COL6A2: variants seen among roughly 807,000 people sequenced by gnomAD.
The protein encoded by COL6A2 is collagen type VI alpha 2 chain, also known as collagen alpha-2(VI) chain.
COL6A2 carries 90 observed loss-of-function variants against 124.9 expected under a neutral mutation model. That is an observed-to-expected ratio of 0.72 (90% CI 0.61 to 0.86). The LOEUF is 0.86. Among genes scored for constraint, COL6A2 ranks in the 40% least tolerant of loss-of-function variants. The probability of loss-of-function intolerance (pLI) is 0.00; values close to 1 mark genes in which losing one functional copy is unlikely to be tolerated. For synonymous variants in COL6A2, 793 were observed against 618.2 expected (o/e 1.28, Z -4.19); for missense variants, 1,607 against 1,502.5 (o/e 1.07, Z -1.15).
intron 1 of COL6A2, chr21:46,098,729 A>G (rs1482134324): frequency 6.6e-6 from 1 of 151,770 alleles, no homozygotes; most frequent in African/African-American, 2.4e-5. Context: ...CCGACGCCCC[A>G]TCGCTGCGCC....
intron 1 of COL6A2, among the ~76,000 whole-genome samples, chr21:46,111,152 A>C (rs2078392893): frequency 1.3e-5 from 2 of 151,922 alleles, no homozygotes; most frequent in Admixed American, 1.3e-4. Context: ...GCGCCCAGCT[A>C]CCCACTCCAC....
chr21:46,107,654 C>T lies in COL6A2; in HGVS notation c.-27-3796C>T, dbSNP rs188500474. Among the ~76,000 whole-genome samples the T allele has an allele frequency of 2.5e-4, 38 of 152,286 alleles. No individual in the cohort carries two copies. The East Asian group carries it at 6.0e-3, about 24-fold the overall frequency. On this transcript the variant is annotated intron_variant, in intron 1 of 27. Transcript: ENST00000300527. Reference sequence around the variant, plus strand: ...AGCCACTATGAGACTTCAGAAGAACCTTGGTCTCCACAGTCTTTTATCTTA... The same window carrying T: ...AGCCACTATGAGACTTCAGAAGAACTTTGGTCTCCACAGTCTTTTATCTTA...
rs375884809 is a variant in COL6A2 at position 46,126,066 on chromosome 21, G to C, written c.2251G>C (p.Asp751His). The change falls in exon 26 of 28, where the codon GAC becomes CAC. Residue 751 changes from aspartate (D) to histidine (H), a missense_variant. Transcript: ENST00000300527. ...CAACTTGCGGGCGCTGTGCGACCGC[G>C]ACGTCACAGTGACGGCCATCGGCAT... ...DLNLRALCDRDVTVTAIGIGD... is the reference protein window; with the variant it reads ...DLNLRALCDRHVTVTAIGIGD... 1.2e-6 allele frequency: 2 copies of C among 1,612,870 alleles called. No homozygotes were observed. Among genetic ancestry groups the C allele is most frequent in the Non-Finnish European group, 1.7e-6 (2 of 1,180,024 alleles).
intron 23 of COL6A2, 50 bp downstream of exon 23, chr21:46,124,970 A>G (rs774312852): frequency 1.2e-6 from 2 of 1,606,306 alleles, no homozygotes; most frequent in African/African-American, 2.7e-5. Context: ...CCAAAACTAG[A>G]CACCAAGAGC....
At chr21:46,121,211 G>C (rs1345421203) in intron 17 of COL6A2, 88 bp downstream of exon 17, 2 of 1,327,994 alleles carry the variant, frequency 1.5e-6, no homozygotes, top group Admixed American at 3.5e-5. Context: ...GCTAGCCACT[G>C]TCCCCATAGC....
At chr21:46,109,426 C>T (rs114770692) in intron 1 of COL6A2, among the ~76,000 whole-genome samples, 156 of 152,310 alleles carry the variant, frequency 1.0e-3, no homozygotes, top group African/African-American at 3.6e-3. Flanking sequence ...CCCTCTGGTC[C>T]GTAGGACGGG....
chr21:46,124,197 G>A (rs546469873), intron 21 of COL6A2, among the ~76,000 whole-genome samples: 57 of 150,672 alleles, frequency 3.8e-4, no homozygotes, highest in African/African-American at 1.3e-3. Context: ...TGAATGGATG[G>A]GTTAGTGGGT....
At chr21:46,118,817 G>A in intron 13 of COL6A2, 141 bp downstream of exon 13, 1 of 1,143,442 alleles carries the variant, frequency 8.7e-7, no homozygotes, top group African/African-American at 1.5e-5. Context: ...GGGACAGGAA[G>A]AACAGGCCAT....
At chr21:46,115,674 TG>T (rs2078459586) in intron 5 of COL6A2, among the ~76,000 whole-genome samples, 197 bp from the exon 6 acceptor site, 3 of 152,260 alleles carry the variant, frequency 2.0e-5, no homozygotes, top group African/African-American at 7.2e-5. Context: ...CCCTCAGAGC[TG>T]GGAGAAATGG....
chr21:46,105,884 T>C (rs2078330857), intron 1 of COL6A2, among the ~76,000 whole-genome samples: 1 of 152,234 alleles, frequency 6.6e-6, no homozygotes, highest in East Asian at 1.9e-4. Flanking sequence ...GTAATTACTT[T>C]AGATGTAAAT....
chr21:46,118,651 G>C lies in COL6A2; in HGVS notation c.1154G>C (p.Gly385Ala). ...PGRPGRRGPP[G>A]EIGAKGSKGY... is the part of the protein sequence containing the mutation. ...CGCCCAGGACGCAGAGGGCCCCCGG[G>C]AGAAATCGGGGCCAAGGGAAGCAAG... The change falls in exon 13 of 28, where the codon GGA (glycine) becomes GCA (alanine). Residue 385 changes from glycine to alanine, a missense_variant. Physicochemically the swap from Gly to Ala is moderately conservative, Grantham distance 60. Coordinates refer to ENST00000300527, the MANE Select transcript of COL6A2 (RefSeq NM_001849.4). 6.2e-7 allele frequency: 1 copy of C among 1,612,064 alleles called. No individual in the cohort carries two copies. Among genetic ancestry groups the C allele is most frequent in the Non-Finnish European group, 8.5e-7 (1 of 1,179,752 alleles).
chr21:46,111,861 G>A, intron 2 of COL6A2, 118 bp from the exon 3 acceptor site: 1 of 1,133,776 alleles, frequency 8.8e-7, no homozygotes, highest in East Asian at 2.4e-5. Flanking sequence ...TGGGGGCCGG[G>A]GGCTCTGGCA....
At position 46,131,965 on chromosome 21, in the gene COL6A2, G is replaced by A. The variant is rs778134390; in HGVS notation, c.2473G>A (p.Ala825Thr). 14 of 1,604,152 alleles carry A rather than the reference G, an allele frequency of 8.7e-6. No homozygotes were observed. The highest frequency in any genetic ancestry group is 1.7e-4 in the Middle Eastern group (1 of 5,950). Residue 825 changes from alanine (A) to threonine (T), a missense_variant, in exon 28 of 28, where the codon GCA becomes ACA. Coordinates refer to ENST00000300527, the MANE Select transcript of COL6A2 (RefSeq NM_001849.4). ...DLPCQTELSV[A>T]QCTQRPVDIV... Reference sequence around the variant, plus strand: ...GCGTCTCCCCACAGAGCTGTCCGTGGCACAGTGCACGCAGCGGCCCGTGGA... The same window carrying A: ...GCGTCTCCCCACAGAGCTGTCCGTGACACAGTGCACGCAGCGGCCCGTGGA...
intron 27 of COL6A2, among the ~76,000 whole-genome samples, chr21:46,130,352 G>A (rs981639416): frequency 2.0e-5 from 3 of 152,172 alleles, no homozygotes; most frequent in Non-Finnish European, 4.4e-5. Context: ...GAGCGGCAGG[G>A]ATCACCATCC....
Position 46,132,600 on chromosome 21 carries a change from C to T in COL6A2, c.*48C>T, listed in dbSNP as rs201527206. Reference sequence around the variant, plus strand: ...TCGAGGGTCGTGAGCCCACCCCGTCCATGGTGCTAAGCGGGCCCGGGTCCC... The same window carrying T: ...TCGAGGGTCGTGAGCCCACCCCGTCTATGGTGCTAAGCGGGCCCGGGTCCC... On this transcript the variant is annotated 3_prime_UTR_variant, in exon 28 of 28. Coordinates refer to ENST00000300527, the MANE Select transcript of COL6A2 (RefSeq NM_001849.4). 1.3e-6 allele frequency: 2 copies of T among 1,532,578 alleles called. No homozygotes were observed. Among genetic ancestry groups the T allele is most frequent in the East Asian group, 2.4e-5 (1 of 41,764 alleles). 94.9% of individuals were successfully genotyped at this position (1,532,578 alleles called of 1,614,324 possible).
chr21:46,108,026 G>A (rs2078353157), intron 1 of COL6A2, among the ~76,000 whole-genome samples: 2 of 151,828 alleles, frequency 1.3e-5, no homozygotes, highest in Middle Eastern at 6.8e-3. Flanking sequence ...ATTTTTCTAA[G>A]TGGCTCACTA....
chr21:46,109,175 A>T (rs566953020), intron 1 of COL6A2, among the ~76,000 whole-genome samples: 22 of 152,088 alleles, frequency 1.4e-4, no homozygotes, highest in Non-Finnish European at 2.9e-4. Context: ...ACTAGTGTTC[A>T]GCTCTCAGCA....
intron 22 of COL6A2, 81 bp downstream of exon 22, chr21:46,124,794 G>A: frequency 1.9e-6 from 3 of 1,598,304 alleles, no homozygotes; most frequent in Non-Finnish European, 2.6e-6. Context: ...TCTGCCCACG[G>A]TGGACCCACG....
intron 23 of COL6A2, 114 bp downstream of exon 23, chr21:46,125,034 G>T: frequency 1.5e-6 from 2 of 1,338,882 alleles, no homozygotes; most frequent in South Asian, 2.4e-5. Flanking sequence ...ATCAGTGGAG[G>T]AGGTCAGAGG....
Sources: gnomAD v4.1 joint callset for allele counts (sites outside exome capture counted in the v4.1 genomes callset) on GRCh38, gnomAD v4.1.1 for gene constraint, MANE v1.5 for transcripts, NCBI Gene and HGNC (gene_info 2026-07-23, HGNC 2026-07-21) for gene names.